Variants in TAOK3 observed in about 807,000 individuals in gnomAD.
TAOK3 encodes the protein serine/threonine-protein kinase TAO3.
TAOK3 carries 40 observed loss-of-function variants against 120.4 expected under a neutral mutation model. That is an observed-to-expected ratio of 0.33 (90% CI 0.26 to 0.43). The LOEUF (loss-of-function observed/expected upper bound fraction) is 0.43. Ranked by LOEUF, TAOK3 falls within the 20% of genes least tolerant of loss-of-function variation. TAOK3 has a pLI of 1.00. For synonymous variants in TAOK3, 355 were observed against 387.5 expected (o/e 0.92, Z 0.99); for missense variants, 821 against 1,112.1 (o/e 0.74, Z 3.72).
intron 8 of TAOK3, among the ~76,000 whole-genome samples, chr12:118,234,484 T>A (rs1262490242): frequency 6.6e-6 from 1 of 152,150 alleles, no homozygotes; most frequent in African/African-American, 2.4e-5. Flanking sequence ...GACCTCGTGA[T>A]CCACCCGCCT....
chr12:118,201,409 T>C lies in TAOK3; in HGVS notation c.874A>G (p.Arg292Gly). Residue 292 changes from arginine to glycine, a missense_variant, in exon 12 of 21, where the codon AGG becomes GGG. Transcript: ENST00000392533. ...AGCTCACGAACTGCATCTTTTGTCC[T>C]CTGTATGAGGTCAATGAGGACACGT... ...PLRVLIDLIQ[R>G]TKDAVRELDN... 1.2e-6 allele frequency: 2 copies of C among 1,614,130 alleles called. No homozygotes were observed. Among genetic ancestry groups the C allele is most frequent in the Non-Finnish European group, 8.5e-7 (1 of 1,179,978 alleles).
intron 15 of TAOK3, among the ~76,000 whole-genome samples, chr12:118,180,819 G>T (rs575617648): frequency 8.5e-5 from 13 of 152,048 alleles, no homozygotes; most frequent in Admixed American, 2.0e-4. Flanking sequence ...ACCATCAAGG[G>T]ACTGATACTC....
intron 14 of TAOK3, among the ~76,000 whole-genome samples, chr12:118,187,054 A>G (rs560485316): frequency 6.6e-6 from 1 of 152,344 alleles, no homozygotes; most frequent in Admixed American, 6.5e-5. Context: ...AAATTTTAGG[A>G]AGACTAATAT....
intron 1 of TAOK3, among the ~76,000 whole-genome samples, chr12:118,295,078 C>T (rs1488682683): frequency 2.7e-5 from 4 of 147,242 alleles, no homozygotes; most frequent in African/African-American, 7.5e-5. Flanking sequence ...CTTTTGGAGA[C>T]GGAGTTTTGC....
At chr12:118,308,229 C>T (rs1444958278) in intron 1 of TAOK3, among the ~76,000 whole-genome samples, 1 of 151,952 alleles carries the variant, frequency 6.6e-6, no homozygotes, top group Non-Finnish European at 1.5e-5. Context: ...GCCACGGCAA[C>T]ATCAGGAAGT....
intron 16 of TAOK3, among the ~76,000 whole-genome samples, chr12:118,175,152 T>C (rs1036048210): frequency 1.4e-4 from 22 of 152,240 alleles, no homozygotes; most frequent in Non-Finnish European, 2.8e-4. Flanking sequence ...TCAGAGATTC[T>C]ACCCATTCAG....
chr12:118,217,169 A>G (rs1276553033), intron 9 of TAOK3, among the ~76,000 whole-genome samples: 1 of 152,172 alleles, frequency 6.6e-6, no homozygotes, highest in Admixed American at 6.6e-5. Context: ...CAAGGCTAAG[A>G]GGTGAAGTTA....
In TAOK3 at chr12:118,245,024, C is replaced by T. The variant is rs535652829; in HGVS notation, c.121-59G>A. The T allele has an allele frequency of 2.9e-5, 34 of 1,170,898 alleles. No individual in the cohort carries two copies. The African/African-American group carries it at 4.6e-4, about 16-fold the overall frequency. 72.5% of individuals were successfully genotyped at this position (1,170,898 alleles called of 1,614,324 possible). A position where few individuals can be genotyped will look rare whatever the true frequency, so the allele number is the denominator to read the frequency against. On this transcript the variant is annotated intron_variant, in intron 3 of 20. Coordinates refer to ENST00000392533, the MANE Select transcript of TAOK3 (RefSeq NM_016281.4). Reference sequence around the variant, plus strand: ...ATTAGTGATGTTTCAGCCAATTTAACTTAAATATTTGACTAGAGACTATTT... The same window carrying T: ...ATTAGTGATGTTTCAGCCAATTTAATTTAAATATTTGACTAGAGACTATTT...
At chr12:118,341,254 G>A (rs1366668539) in intron 1 of TAOK3, among the ~76,000 whole-genome samples, 1 of 152,008 alleles carries the variant, frequency 6.6e-6, no homozygotes, top group Non-Finnish European at 1.5e-5. Flanking sequence ...GCCTGCCTCG[G>A]CTTCCCAAAG....
At chr12:118,260,046 TG>T (rs1243130410) in intron 2 of TAOK3, among the ~76,000 whole-genome samples, 2 of 152,186 alleles carry the variant, frequency 1.3e-5, no homozygotes. Flanking sequence ...CAGGGCATTC[TG>T]GAGGCTACTC....
rs555290802 is a variant in TAOK3, at chr12:118,331,543, G to A, written c.-194+41105C>T. 5.3e-5 allele frequency among the ~76,000 whole-genome samples: 8 copies of A among 151,366 alleles called. 1 individual carries two copies. In the East Asian group the frequency reaches 5.9e-4, roughly 11 times the overall value. ...GCCTGTAATCCCAGCTACTTGGGGGGCTGAGGCAGAAGAATCATTTGAACT... is the reference window on the plus strand; with the variant it reads ...GCCTGTAATCCCAGCTACTTGGGGGACTGAGGCAGAAGAATCATTTGAACT... On this transcript the variant is annotated intron_variant, in intron 1 of 20. Transcript: ENST00000392533.
intron 1 of TAOK3, among the ~76,000 whole-genome samples, chr12:118,363,753 TGTGA>T (rs1280175189): frequency 1.7e-4 from 25 of 147,954 alleles, no homozygotes; most frequent in Non-Finnish European, 2.6e-4. Context: ...TGTGTGTGTG[TGTGA>T]GAGAGAGAGA....
chr12:118,250,307 A>C (rs1276554514), intron 3 of TAOK3, among the ~76,000 whole-genome samples: 1 of 152,150 alleles, frequency 6.6e-6, no homozygotes, highest in Non-Finnish European at 1.5e-5. Context: ...AACACACAGA[A>C]ATACTTCATC....
At chr12:118,216,335 C>A (rs61945180) in intron 9 of TAOK3, among the ~76,000 whole-genome samples, 1 of 152,094 alleles carries the variant, frequency 6.6e-6, no homozygotes, top group Non-Finnish European at 1.5e-5. Flanking sequence ...CAGCCCACCA[C>A]GATCTCTTTA....
At chr12:118,335,968 A>C (rs1444594668) in intron 1 of TAOK3, among the ~76,000 whole-genome samples, 1 of 152,226 alleles carries the variant, frequency 6.6e-6, no homozygotes, top group East Asian at 1.9e-4. Context: ...AAATGAAGAG[A>C]CATACCATAT....
At chr12:118,204,304 T>C (rs551950707) in intron 11 of TAOK3, among the ~76,000 whole-genome samples, 49 of 151,604 alleles carry the variant, frequency 3.2e-4, no homozygotes, top group Middle Eastern at 3.4e-3. Flanking sequence ...AGTTCAGTTA[T>C]GTGGAAAATT....
intron 20 of TAOK3, 113 bp from the exon 21 acceptor site, chr12:118,151,271 CAT>C: frequency 2.0e-6 from 2 of 998,122 alleles, no homozygotes; most frequent in Non-Finnish European, 2.9e-6. Flanking sequence ...TAGGCACACA[CAT>C]GAAGTGCGCG....
intron 13 of TAOK3, among the ~76,000 whole-genome samples, chr12:118,190,735 T>A (rs1037380904): frequency 2.0e-5 from 3 of 152,202 alleles, no homozygotes; most frequent in Non-Finnish European, 4.4e-5. Flanking sequence ...AGATAATTAA[T>A]CTTGTTCTAA....
At chr12:118,151,906 C>T (rs1291437435) in intron 20 of TAOK3, among the ~76,000 whole-genome samples, 1 of 152,086 alleles carries the variant, frequency 6.6e-6, no homozygotes, top group African/African-American at 2.4e-5. Flanking sequence ...ATTTGGCAGC[C>T]CTGCTGTCAG....
Sources: allele counts gnomAD v4.1 joint callset (sites outside exome capture counted in the v4.1 genomes callset), GRCh38; gene constraint gnomAD v4.1.1; transcripts MANE v1.5; gene names NCBI Gene and HGNC (gene_info 2026-07-23, HGNC 2026-07-21).